Variants in MBP observed in about 807,000 individuals in gnomAD.
The protein encoded by MBP is Golli-MBP.
Under a neutral mutation model 35.8 loss-of-function variants are expected in MBP, and 16 were observed. The ratio of observed to expected loss-of-function variants is 0.45; its 90% CI spans 0.30 to 0.68. MBP has a LOEUF of 0.68. MBP is among the 30% of genes least tolerant of loss of function. The pLI is 0.08. For missense variants in MBP, 380 were observed against 404.7 expected (o/e 0.94, Z 0.52); for synonymous variants, 143 against 159.6 (o/e 0.90, Z 0.78).
chr18:77,104,536 T>C (rs66706396), intron 2 of MBP, among the ~76,000 whole-genome samples: 11,197 of 152,048 alleles, frequency 0.074, 482 homozygotes, highest in Admixed American at 0.1. Flanking sequence ...CAGACCAGAG[T>C]GCAAAGTCAG....
chr18:77,098,497 A>G (rs1458578530), intron 2 of MBP, among the ~76,000 whole-genome samples: 2 of 152,230 alleles, frequency 1.3e-5, no homozygotes, highest in African/African-American at 4.8e-5. Context: ...ACAAGCATTT[A>G]AAACATTCCT....
chr18:77,074,314 C>T (rs866394881), intron 2 of MBP, among the ~76,000 whole-genome samples: 1 of 149,806 alleles, frequency 6.7e-6, no homozygotes, highest in African/African-American at 2.5e-5. Flanking sequence ...CAGTGAGCCC[C>T]GGTCTCAAGG....
In MBP at chr18:77,020,750, G is replaced by A. The variant is rs1599083307; in HGVS notation, c.140-3482C>T. ...ACCATGTGGTGCTCACAGCTGTTCC[G>A]GCACAGCGAACCACCCTCCCGGTTA... is the stretch of plus-strand genomic sequence containing the variant. On this transcript the variant is annotated intron_variant, in intron 3 of 8. Coordinates refer to ENST00000355994, the MANE Select transcript of MBP (RefSeq NM_001025101.2). This position sits in a 1 kb window ranked among gnomAD's most constrained non-coding sequence, Gnocchi z 4.1. Among the ~76,000 whole-genome samples, 2 of 152,286 alleles carry A rather than the reference G, an allele frequency of 1.3e-5. No individual in the cohort carries two copies. The highest frequency in any genetic ancestry group is 2.9e-5 in the Non-Finnish European group (2 of 68,024).
At chr18:77,043,574 T>A (rs1479685003) in intron 3 of MBP, among the ~76,000 whole-genome samples, 1 of 96,674 alleles carries the variant, frequency 1.0e-5, no homozygotes, top group African/African-American at 4.2e-5. Flanking sequence ...GCTGCGATCA[T>A]CCCAGGCCAG....
At chr18:76,982,926 C>CA (rs1969291733) in intron 8 of MBP, 1 of 152,144 alleles carries the variant, frequency 6.6e-6, no homozygotes, top group Non-Finnish European at 1.5e-5. Flanking sequence ...AAGCTTCTTA[C>CA]AAAAAAGTTC....
At chr18:77,012,637 CCA>C (rs1599060966) in intron 4 of MBP, 1 of 210,606 alleles carries the variant, frequency 4.7e-6, no homozygotes, top group East Asian at 1.8e-4. Flanking sequence ...TGTGACCTTC[CCA>C]CACAGAAGGG....
chr18:77,029,791 CAA>C (rs1491211802), intron 3 of MBP, among the ~76,000 whole-genome samples: 4 of 123,350 alleles, frequency 3.2e-5, no homozygotes, highest in Non-Finnish European at 3.8e-5. Flanking sequence ...CACACACACA[CAA>C]ACACACACAC....
In MBP at chr18:77,131,358, C is replaced by T. The variant is rs1240032318; in HGVS notation, c.-26+1222G>A. 6.6e-6 allele frequency among the ~76,000 whole-genome samples: 1 copy of T among 152,168 alleles called. No individual in the cohort carries two copies. The highest frequency in any genetic ancestry group is 2.4e-5 in the African/African-American group (1 of 41,438). On this transcript the variant is annotated intron_variant, in intron 1 of 8. Coordinates refer to ENST00000355994, the MANE Select transcript of MBP (RefSeq NM_001025101.2). The surrounding 1 kb of genome is among the most constrained non-coding windows in gnomAD (Gnocchi z 5.5). ...CCAGATAAAATGTCCAAAACACACA[C>T]TGGAGTTCCCTGACGTTTCCTTCCT...
chr18:77,032,553 G>A (rs1972583688), intron 3 of MBP, among the ~76,000 whole-genome samples: 1 of 152,250 alleles, frequency 6.6e-6, no homozygotes, highest in African/African-American at 2.4e-5. Context: ...GGTCGGCGAG[G>A]CGCGGCCATG....
chr18:77,029,361 G>A (rs1429076797), intron 3 of MBP, among the ~76,000 whole-genome samples: 1 of 147,454 alleles, frequency 6.8e-6, no homozygotes, highest in Non-Finnish European at 1.5e-5. Flanking sequence ...GATGGCAGCA[G>A]TACAGTCCAG....
At chr18:77,088,596 A>G (rs1275525864) in intron 2 of MBP, among the ~76,000 whole-genome samples, 2 of 152,236 alleles carry the variant, frequency 1.3e-5, no homozygotes, top group East Asian at 1.9e-4. Context: ...GATATTGTAA[A>G]TCATTAGCAT....
chr18:77,129,050 T>C (rs866347359), intron 1 of MBP, among the ~76,000 whole-genome samples: 1 of 152,258 alleles, frequency 6.6e-6, no homozygotes, highest in South Asian at 2.1e-4. Flanking sequence ...TAAAGTCCTT[T>C]TCTTATTTTA....
chr18:77,100,590 GC>G (rs200138376), intron 2 of MBP, among the ~76,000 whole-genome samples: 5,500 of 146,178 alleles, frequency 0.038, 203 homozygotes, highest in South Asian at 0.083. Flanking sequence ...TTACTCTGTT[GC>G]CCAGGCTGGA....
Position 77,046,662 on chromosome 18 carries a change from C to T in MBP, c.139+19636G>A, listed in dbSNP as rs117200872. Among the ~76,000 whole-genome samples the T allele has an allele frequency of 9.3e-3, 1,424 of 152,350 alleles. 12 individuals carry two copies. The highest frequency in any genetic ancestry group is 0.015 in the Non-Finnish European group (1,017 of 68,032). On this transcript the variant is annotated intron_variant, in intron 3 of 8. Transcript: ENST00000355994. The stretch of plus-strand genomic sequence containing the variant: ...TGCCTGGGGAGGCTGGAGGAGGTAG[C>T]GACAGGTCCCAGTCCCCCGGAGCTA...
At chr18:77,041,134 T>G (rs1972973544) in intron 3 of MBP, among the ~76,000 whole-genome samples, 1 of 152,130 alleles carries the variant, frequency 6.6e-6, no homozygotes, top group South Asian at 2.1e-4. Flanking sequence ...AACAGACACT[T>G]CTCAAAAGAA....
intron 1 of MBP, among the ~76,000 whole-genome samples, chr18:77,116,927 A>G (rs1789087): frequency 0.62 from 93,996 of 152,058 alleles, 29,741 homozygotes; most frequent in South Asian, 0.75. Flanking sequence ...ACACAGCAGG[A>G]CCTGACACCA....
At chr18:77,098,074 C>T (rs2145080468) in intron 2 of MBP, among the ~76,000 whole-genome samples, 1 of 151,086 alleles carries the variant, frequency 6.6e-6, no homozygotes, top group South Asian at 2.1e-4. Context: ...GTCCTGAGCT[C>T]TTCATACCCA....
intron 1 of MBP, among the ~76,000 whole-genome samples, chr18:77,112,169 G>GCACACGCACACACACACACACA (rs1555730803): frequency 6.6e-6 from 1 of 150,874 alleles, no homozygotes. Flanking sequence ...CCGTGCACAC[G>GCACACGCACACACACACACACA]CACACACACA....
intron 4 of MBP, chr18:77,009,855 C>T: frequency 1.3e-6 from 2 of 1,587,710 alleles, no homozygotes; most frequent in Non-Finnish European, 8.6e-7. Context: ...TTACCTTGTA[C>T]ATGTTGCACA....
Sources: gnomAD v4.1 joint callset for allele counts (sites outside exome capture counted in the v4.1 genomes callset) on GRCh38, gnomAD v4.1.1 for gene constraint, Gnocchi (gnomAD v3.1) non-coding constraint, MANE v1.5 for transcripts, NCBI Gene and HGNC (gene_info 2026-07-23, HGNC 2026-07-21) for gene names.